The following LINGO2 variants were observed in gnomAD, a reference collection of about 807,000 sequenced individuals.
LINGO2 encodes the protein leucine-rich repeat and immunoglobulin-like domain-containing nogo receptor-interacting protein 2.
Under a neutral mutation model 30.6 loss-of-function variants are expected in LINGO2, and 14 were observed. The observed-to-expected ratio is 0.46, with a 90% CI of 0.30 to 0.72. LINGO2 has a LOEUF of 0.72. Among genes scored for constraint, LINGO2 ranks in the 30% least tolerant of loss-of-function variants. LINGO2 has a pLI of 0.07. For synonymous variants in LINGO2, 317 were observed against 288.5 expected (o/e 1.10, Z -1.00); for missense variants, 729 against 751.7 (o/e 0.97, Z 0.35).
At chr9:28,869,674 C>A in the LINGO2 span, among the ~76,000 whole-genome samples, 1 of 151,956 alleles carries the variant, frequency 6.6e-6, no homozygotes, top group East Asian at 1.9e-4. Context: ...TAGTCCCTGT[C>A]TTCAAGGAGC....
chr9:28,191,220 G>A (rs1029837543), intron 4 of LINGO2, among the ~76,000 whole-genome samples: 1 of 152,184 alleles, frequency 6.6e-6, no homozygotes, highest in African/African-American at 2.4e-5. Flanking sequence ...AAAAATAAAT[G>A]AATAAAATAA....
At chr9:28,941,015 C>CAAAAAA in the LINGO2 span, among the ~76,000 whole-genome samples, 1 of 147,414 alleles carries the variant, frequency 6.8e-6, no homozygotes. Flanking sequence ...TTTCTCTCCA[C>CAAAAAA]AAAAAAAAAT....
chr9:28,458,991 T>C (rs1370021820), intron 2 of LINGO2, among the ~76,000 whole-genome samples: 1 of 151,824 alleles, frequency 6.6e-6, no homozygotes, highest in Non-Finnish European at 1.5e-5. Context: ...TGATTTTGCA[T>C]TACTAAATTC....
At chr9:28,199,484 G>A (rs1253918014) in intron 4 of LINGO2, among the ~76,000 whole-genome samples, 1 of 151,816 alleles carries the variant, frequency 6.6e-6, no homozygotes. Flanking sequence ...GACTACAGGC[G>A]CCCGCCACCA....
the LINGO2 span, among the ~76,000 whole-genome samples, chr9:28,680,143 C>A: frequency 6.6e-6 from 1 of 151,982 alleles, no homozygotes; most frequent in African/African-American, 2.4e-5. Flanking sequence ...CCCTGCCCTG[C>A]ACCCACCACA....
the LINGO2 span, among the ~76,000 whole-genome samples, chr9:29,098,663 G>A: frequency 6.6e-6 from 1 of 152,028 alleles, no homozygotes; most frequent in Non-Finnish European, 1.5e-5. Context: ...AGTGAAATAG[G>A]CCCAGCTAGG....
chr9:28,340,888 C>G (rs774848224), intron 3 of LINGO2, among the ~76,000 whole-genome samples: 2 of 152,066 alleles, frequency 1.3e-5, no homozygotes, highest in Non-Finnish European at 2.9e-5. Context: ...CGGAATCATT[C>G]CTTCTTGTCA....
chr9:28,625,344 C>T (rs533867513), intron 1 of LINGO2, among the ~76,000 whole-genome samples: 1 of 152,142 alleles, frequency 6.6e-6, no homozygotes, highest in Non-Finnish European at 1.5e-5. Context: ...AGCCATGTGG[C>T]CACTGCCAGG....
intron 4 of LINGO2, among the ~76,000 whole-genome samples, chr9:28,263,090 C>T (rs536914863): frequency 4.3e-4 from 66 of 152,070 alleles, no homozygotes; most frequent in Non-Finnish European, 8.2e-4. Context: ...TCTTGCAGTC[C>T]TCTTCCTGGT....
chr9:29,052,339 C>T, the LINGO2 span, among the ~76,000 whole-genome samples: 2 of 152,106 alleles, frequency 1.3e-5, no homozygotes, highest in Admixed American at 1.3e-4. Context: ...ATGATGAGAT[C>T]ATTGCTGCTA....
At chr9:27,965,046 A>G (rs1436209919) in intron 5 of LINGO2, among the ~76,000 whole-genome samples, 1 of 152,124 alleles carries the variant, frequency 6.6e-6, no homozygotes, top group Non-Finnish European at 1.5e-5. Flanking sequence ...TATCTAGCCT[A>G]ATATTTGTTT....
chr9:28,878,571 T>C, the LINGO2 span, among the ~76,000 whole-genome samples: 9,252 of 152,226 alleles, frequency 0.061, 924 homozygotes, highest in African/African-American at 0.21. Context: ...TTGATGATCA[T>C]TGATGCAAAA....
the LINGO2 span, among the ~76,000 whole-genome samples, chr9:29,067,274 A>G: frequency 6.6e-6 from 1 of 151,936 alleles, no homozygotes; most frequent in Admixed American, 6.6e-5. Context: ...ACTATAGATA[A>G]TTCAGATAAT....
the LINGO2 span, among the ~76,000 whole-genome samples, chr9:29,036,573 T>C: frequency 6.6e-6 from 1 of 152,076 alleles, no homozygotes; most frequent in Non-Finnish European, 1.5e-5. Context: ...CTGCATGTAA[T>C]AATACAGTCT....
intron 2 of LINGO2, among the ~76,000 whole-genome samples, chr9:28,472,485 G>A (rs540549800): frequency 1.4e-4 from 21 of 152,052 alleles, no homozygotes; most frequent in Non-Finnish European, 1.8e-4. Flanking sequence ...CTGTCAGACC[G>A]AAGATAATCT....
At chr9:28,822,574 T>C in the LINGO2 span, among the ~76,000 whole-genome samples, 1 of 124,818 alleles carries the variant, frequency 8.0e-6, no homozygotes, top group Non-Finnish European at 1.9e-5. Flanking sequence ...GCTGCCAGCA[T>C]GGCTAGAATA....
At chr9:28,079,411 T>G (rs569336836) in intron 4 of LINGO2, among the ~76,000 whole-genome samples, 88 of 152,086 alleles carry the variant, frequency 5.8e-4, no homozygotes, top group Non-Finnish European at 1.0e-3. Context: ...CCGTTCGTTT[T>G]TATTTCAGAT....
chr9:29,200,802 C>T, the LINGO2 span, among the ~76,000 whole-genome samples: 1 of 152,072 alleles, frequency 6.6e-6, no homozygotes, highest in South Asian at 2.1e-4. Flanking sequence ...TATCCTTAGC[C>T]TCTTCTTGGC....
chr9:29,018,568 C>T, the LINGO2 span, among the ~76,000 whole-genome samples: 2 of 152,080 alleles, frequency 1.3e-5, no homozygotes, highest in Non-Finnish European at 2.9e-5. Context: ...AGAAAATAGT[C>T]ATTATCATCC....
Sources: allele counts gnomAD v4.1 joint callset (sites outside exome capture counted in the v4.1 genomes callset), GRCh38; gene constraint gnomAD v4.1.1; transcripts MANE v1.5; gene names NCBI Gene and HGNC (gene_info 2026-07-23, HGNC 2026-07-21).